MAP3K7CL: variants seen among roughly 807,000 people sequenced by gnomAD.
MAP3K7CL encodes the protein MAP3K7 C-terminal like.
MAP3K7CL carries 16 observed loss-of-function variants against 18.6 expected under a neutral mutation model. The ratio of observed to expected loss-of-function variants is 0.86; its 90% confidence interval spans 0.58 to 1.31. The LOEUF (loss-of-function observed/expected upper bound fraction) is 1.31. Ranked by LOEUF, MAP3K7CL falls within the 50% of genes most tolerant of loss-of-function variation. The probability of loss-of-function intolerance (pLI) is 0.00; values close to 1 mark genes in which losing one functional copy is unlikely to be tolerated. For missense variants in MAP3K7CL, 163 were observed against 174.4 expected, an observed-to-expected ratio of 0.93 and a Z score of 0.37; for synonymous variants, 65 against 66.8, an observed-to-expected ratio of 0.97 and a Z score of 0.13.
At chr21:29,159,140 C>T (rs1441821833) in intron 3 of MAP3K7CL, among the ~76,000 whole-genome samples, 2 of 152,020 alleles carry the variant, frequency 1.3e-5, no homozygotes, top group Non-Finnish European at 2.9e-5. Flanking sequence ...AGGCTGGTCT[C>T]GAATGCCTGG....
intron 4 of MAP3K7CL, among the ~76,000 whole-genome samples, chr21:29,117,847 T>C (rs547357965): frequency 1.3e-4 from 20 of 151,684 alleles, no homozygotes; most frequent in South Asian, 1.3e-3. Context: ...GGCAGTAAAA[T>C]TGAGGGTTGT....
intron 2 of MAP3K7CL, among the ~76,000 whole-genome samples, chr21:29,144,440 C>T (rs1465451152): frequency 6.6e-6 from 1 of 152,206 alleles, no homozygotes; most frequent in African/African-American, 2.4e-5. Context: ...GCTAGGATTA[C>T]AAGTATGAGT....
At chr21:29,109,793 C>G in intron 4 of MAP3K7CL, 1 of 985,374 alleles carries the variant, frequency 1.0e-6, no homozygotes, top group Non-Finnish European at 1.2e-6. Context: ...TTACTTATAT[C>G]TTACGTTCTG....
At chr21:29,149,314 C>A in intron 3 of MAP3K7CL, 64 bp downstream of exon 3, 1 of 1,431,948 alleles carries the variant, frequency 7.0e-7, no homozygotes, top group Non-Finnish European at 9.9e-7. Context: ...GCGAGCTGGG[C>A]AGAGAGTGGC....
rs1202264529 is a variant in MAP3K7CL, at chr21:29,120,666, TTCTTTTTC to T, written c.370+28087_370+28094del. Among the ~76,000 whole-genome samples, 4 of 116,242 alleles carry T rather than the reference TTCTTTTTC, an allele frequency of 3.4e-5. No individual in the cohort carries two copies. In the East Asian group the frequency reaches 1.1e-3, roughly 31 times the overall value. The allele number at this position is 116,242 out of a possible 152,430, so 76.3% of individuals were successfully genotyped here. A position where few individuals can be genotyped will look rare whatever the true frequency, so the allele number is the denominator to read the frequency against. ...GAATGTTTGAGTCTCTTTTCTTTCT[TTCTTTTTC>T]TTTCTTTCTTTCTTTCTGTTTCTTT... On this transcript the variant is annotated intron_variant, in intron 4 of 6. Transcript: ENST00000286791.
chr21:29,098,331 A>G (rs2086159668), intron 4 of MAP3K7CL, among the ~76,000 whole-genome samples: 1 of 151,942 alleles, frequency 6.6e-6, no homozygotes, highest in Admixed American at 6.6e-5. Context: ...CTTTTTTTCT[A>G]CTGTTACTCT....
In MAP3K7CL at chr21:29,149,264, TAA is replaced by T; in HGVS notation, c.132+16_132+17del. ...CAGCAGCTACAGGTAAGGATTTTTC[TAA>T]AGTCTCTCTTCTTTCCTCCTTAGTG... On this transcript the variant is annotated intron_variant, in intron 3 of 4. Coordinates refer to ENST00000399928, the MANE Select transcript of MAP3K7CL (RefSeq NM_001286620.2). 1 of 1,611,912 alleles carries T rather than the reference TAA, an allele frequency of 6.2e-7. No homozygotes were observed. Among genetic ancestry groups the T allele is most frequent in the Non-Finnish European group, 8.5e-7 (1 of 1,177,918 alleles).
At chr21:29,160,139 G>A in intron 4 of MAP3K7CL, 83 bp downstream of exon 4, 1 of 1,036,952 alleles carries the variant, frequency 9.6e-7, no homozygotes, top group Non-Finnish European at 1.4e-6. Flanking sequence ...GACAGGCTGA[G>A]TGTGAGGATG....
At chr21:29,144,097 AGCTAAATAAAAAGTTGGAT>A (rs2087070827) in intron 2 of MAP3K7CL, among the ~76,000 whole-genome samples, 1 of 152,034 alleles carries the variant, frequency 6.6e-6, no homozygotes, top group Non-Finnish European at 1.5e-5. Flanking sequence ...CATCTTCACT[AGCTAAATAAAAAGTTGGAT>A]GCTCTTAAGA....
chr21:29,108,047 G>A (rs4817270), intron 4 of MAP3K7CL, among the ~76,000 whole-genome samples: 74,977 of 151,666 alleles, frequency 0.49, 18,606 homozygotes, highest in East Asian at 0.63. Context: ...TTAATTTCCT[G>A]GGAAGGAAAC....
At chr21:29,148,184 G>A (rs2087186187) in intron 2 of MAP3K7CL, among the ~76,000 whole-genome samples, 1 of 151,876 alleles carries the variant, frequency 6.6e-6, no homozygotes, top group Admixed American at 6.6e-5. Context: ...GTATGTATAT[G>A]TGTACTGTAT....
In MAP3K7CL at chr21:29,144,350, A is replaced by G. The variant is rs138099944; in HGVS notation, c.71-4839A>G. 2.6e-3 allele frequency among the ~76,000 whole-genome samples: 393 copies of G among 152,208 alleles called. 3 individuals carry two copies. The highest frequency in any genetic ancestry group is 9.0e-3 in the African/African-American group (375 of 41,518). ...AGGCTGATTTTTGTATTTTTAGTGG[A>G]GACAGGTTTTCACCATGTTGGCCAG... On this transcript the variant is annotated intron_variant, in intron 2 of 4. Coordinates refer to ENST00000399928, the MANE Select transcript of MAP3K7CL (RefSeq NM_001286620.2).
intron 1 of MAP3K7CL, among the ~76,000 whole-genome samples, chr21:29,086,744 C>T (rs985143763): frequency 2.0e-5 from 3 of 152,174 alleles, no homozygotes; most frequent in African/African-American, 7.2e-5. Context: ...CCTGTTCTTT[C>T]TTCATTAATC....
intron 3 of MAP3K7CL, among the ~76,000 whole-genome samples, chr21:29,156,382 A>T (rs16983794): frequency 2.0e-5 from 3 of 152,222 alleles, no homozygotes; most frequent in Non-Finnish European, 2.9e-5. Flanking sequence ...TAATTTGAGC[A>T]TGTGTTACAT....
At chr21:29,158,114 C>G (rs1316459959) in intron 3 of MAP3K7CL, among the ~76,000 whole-genome samples, 3 of 152,140 alleles carry the variant, frequency 2.0e-5, no homozygotes, top group African/African-American at 7.2e-5. Context: ...TAACAGGGCA[C>G]AGATGATTCA....
intron 4 of MAP3K7CL, among the ~76,000 whole-genome samples, chr21:29,095,019 C>T (rs951249672): frequency 2.7e-5 from 4 of 149,098 alleles, no homozygotes; most frequent in Admixed American, 1.3e-4. Context: ...GATTGCACCA[C>T]TGCACTCCAG....
At chr21:29,151,556 T>C (rs1278110277) in intron 3 of MAP3K7CL, among the ~76,000 whole-genome samples, 3 of 152,228 alleles carry the variant, frequency 2.0e-5, no homozygotes, top group Non-Finnish European at 4.4e-5. Context: ...CTAGTCATAT[T>C]TTTTCCTCTT....
intron 4 of MAP3K7CL, among the ~76,000 whole-genome samples, chr21:29,162,355 G>A (rs571222987): frequency 1.1e-4 from 16 of 148,908 alleles, no homozygotes; most frequent in African/African-American, 4.0e-4. Context: ...TAAATTACAT[G>A]TTCTGTAAGT....
At chr21:29,083,462 A>G (rs2085870440), upstream of MAP3K7CL, among the ~76,000 whole-genome samples, 2 of 152,238 alleles carry the variant, frequency 1.3e-5, no homozygotes, top group South Asian at 4.1e-4. Context: ...ATAGACTGTT[A>G]TCTCTACTCG....
Sources: gnomAD v4.1 joint callset for allele counts (sites outside exome capture counted in the v4.1 genomes callset) on GRCh38, gnomAD v4.1.1 for gene constraint, MANE v1.5 for transcripts, NCBI Gene and HGNC (gene_info 2026-07-23, HGNC 2026-07-21) for gene names.